Variants in ENOX1 observed in about 807,000 individuals in gnomAD.
The protein encoded by ENOX1 is candidate growth-related and time keeping constitutive hydroquinone (NADH) oxidase.
In ENOX1, 42 loss-of-function variants were observed where a neutral mutation model predicts 82.5. The ratio of observed to expected loss-of-function variants is 0.51; its 90% CI spans 0.40 to 0.66. The LOEUF is 0.66. ENOX1 is among the 30% of genes least tolerant of loss of function. The probability of loss-of-function intolerance (pLI) is 0.00; values close to 1 mark genes in which losing one functional copy is unlikely to be tolerated. For synonymous variants in ENOX1, 271 were observed against 282.2 expected, an observed-to-expected ratio of 0.96 and a Z score of 0.40; for missense variants, 608 against 811.6, an observed-to-expected ratio of 0.75 and a Z score of 3.05.
chr13:43,750,507 G>T (rs527506355), intron 1 of ENOX1, among the ~76,000 whole-genome samples: 1 of 152,278 alleles, frequency 6.6e-6, no homozygotes, highest in East Asian at 1.9e-4. Flanking sequence ...ACTACACTGA[G>T]ATACCTTCCA....
chr13:43,342,281 G>T (rs1359180423), intron 9 of ENOX1, among the ~76,000 whole-genome samples: 1 of 152,138 alleles, frequency 6.6e-6, no homozygotes, highest in Non-Finnish European at 1.5e-5. Flanking sequence ...AATGAAGAAG[G>T]GTGGGCCGAA....
chr13:43,523,768 T>C (rs1290340198), intron 2 of ENOX1, among the ~76,000 whole-genome samples: 1 of 152,078 alleles, frequency 6.6e-6, no homozygotes, highest in African/African-American at 2.4e-5. Context: ...CTCTGAGGTA[T>C]TGTTCTGATT....
At chr13:43,512,808 A>G (rs1357147123) in intron 2 of ENOX1, among the ~76,000 whole-genome samples, 2 of 152,136 alleles carry the variant, frequency 1.3e-5, no homozygotes, top group African/African-American at 2.4e-5. Flanking sequence ...GCAAATTGCT[A>G]TAAGATCCTG....
At chr13:43,314,193 T>C (rs2153520582) in intron 11 of ENOX1, among the ~76,000 whole-genome samples, 1 of 152,316 alleles carries the variant, frequency 6.6e-6, no homozygotes, top group South Asian at 2.1e-4. Flanking sequence ...GCTCCCTCTT[T>C]GATATCAAGA....
intron 1 of ENOX1, among the ~76,000 whole-genome samples, chr13:43,710,690 AAAGT>A (rs777691293): frequency 2.0e-5 from 3 of 152,168 alleles, no homozygotes; most frequent in East Asian, 1.9e-4. Context: ...CCAACATAAA[AAAGT>A]AAGCTGAACC....
intron 3 of ENOX1, among the ~76,000 whole-genome samples, chr13:43,429,411 T>C (rs1442616125): frequency 1.3e-5 from 2 of 152,214 alleles, no homozygotes; most frequent in African/African-American, 4.8e-5. Context: ...AAAGTACATA[T>C]TCTGGTCTGC....
At chr13:43,658,537 A>G (rs1257716240) in intron 2 of ENOX1, among the ~76,000 whole-genome samples, 1 of 152,038 alleles carries the variant, frequency 6.6e-6, no homozygotes, top group Non-Finnish European at 1.5e-5. Context: ...TCTTCCTTGG[A>G]ATTAATCATT....
intron 13 of ENOX1, among the ~76,000 whole-genome samples, chr13:43,268,888 T>G (rs2044529994): frequency 6.6e-6 from 1 of 152,172 alleles, no homozygotes; most frequent in Non-Finnish European, 1.5e-5. Context: ...TGCCGAGTGT[T>G]CCATCTTACC....
chr13:43,491,282 C>G (rs756455955), intron 2 of ENOX1, among the ~76,000 whole-genome samples: 1 of 152,126 alleles, frequency 6.6e-6, no homozygotes, highest in Non-Finnish European at 1.5e-5. Context: ...GGGATCCACC[C>G]GCATGATCCC....
intron 14 of ENOX1, among the ~76,000 whole-genome samples, chr13:43,253,434 G>A (rs1292346014): frequency 6.6e-6 from 1 of 152,218 alleles, no homozygotes; most frequent in Non-Finnish European, 1.5e-5. Flanking sequence ...AATAGAGAAT[G>A]ACTGCCCTTT....
At chr13:43,226,458 T>C (rs774435069) in intron 15 of ENOX1, among the ~76,000 whole-genome samples, 12 of 152,242 alleles carry the variant, frequency 7.9e-5, no homozygotes, top group Non-Finnish European at 1.2e-4. Flanking sequence ...CTAGCTATTC[T>C]GAAGTATACA....
chr13:43,786,439 G>C lies in ENOX1; in HGVS notation c.-285+213C>G, dbSNP rs550668311. ...GCGTAAAAGTGAGGGAGCTTGAGAC[G>C]GGGCACGGCGGGGAAGGGCGTGGGG... On this transcript the variant is annotated intron_variant, in intron 1 of 16. Transcript: ENST00000690772. The surrounding 1 kb of genome is among the most constrained non-coding windows in gnomAD (Gnocchi z 6.0). 2.6e-5 allele frequency among the ~76,000 whole-genome samples: 4 copies of C among 151,862 alleles called. No individual in the cohort carries two copies. Among genetic ancestry groups the C allele is most frequent in the African/African-American group, 9.7e-5 (4 of 41,436 alleles).
intron 3 of ENOX1, among the ~76,000 whole-genome samples, chr13:43,450,446 G>A (rs1484867345): frequency 6.6e-6 from 1 of 152,178 alleles, no homozygotes; most frequent in East Asian, 1.9e-4. Flanking sequence ...GTTTGTCACA[G>A]TTCCAAGAAG....
intron 12 of ENOX1, among the ~76,000 whole-genome samples, chr13:43,290,104 G>A (rs2045915724): frequency 1.3e-5 from 2 of 152,158 alleles, no homozygotes; most frequent in South Asian, 4.1e-4. Context: ...GGAGAAAAGG[G>A]AACACTTATA....
At chr13:43,580,586 C>G (rs2080672243) in intron 2 of ENOX1, among the ~76,000 whole-genome samples, 1 of 152,240 alleles carries the variant, frequency 6.6e-6, no homozygotes, top group South Asian at 2.1e-4. Flanking sequence ...CAGTGTGTGT[C>G]AGCCTCAGTT....
intron 2 of ENOX1, among the ~76,000 whole-genome samples, chr13:43,540,829 C>T (rs1332550409): frequency 6.6e-6 from 1 of 152,058 alleles, no homozygotes; most frequent in African/African-American, 2.4e-5. Flanking sequence ...TAAAGGACCC[C>T]CCCTCAAAAA....
intron 2 of ENOX1, among the ~76,000 whole-genome samples, chr13:43,591,844 G>C (rs2081259416): frequency 6.6e-6 from 1 of 152,028 alleles, no homozygotes; most frequent in African/African-American, 2.4e-5. Flanking sequence ...TCCTGGTGTT[G>C]GCAAATAGAA....
chr13:43,654,147 G>C (rs1289928516), intron 2 of ENOX1, among the ~76,000 whole-genome samples: 1 of 152,294 alleles, frequency 6.6e-6, no homozygotes, highest in East Asian at 1.9e-4. Context: ...AGCTACAGGA[G>C]GTTACCCTTG....
chr13:43,727,138 G>A (rs1486020647), intron 1 of ENOX1, among the ~76,000 whole-genome samples: 1 of 152,104 alleles, frequency 6.6e-6, no homozygotes, highest in Non-Finnish European at 1.5e-5. Flanking sequence ...TCTTTCACGG[G>A]GCACTTCTCA....
Sources: gnomAD v4.1 joint callset for allele counts (sites outside exome capture counted in the v4.1 genomes callset) on GRCh38, gnomAD v4.1.1 for gene constraint, Gnocchi (gnomAD v3.1) non-coding constraint, MANE v1.5 for transcripts, NCBI Gene and HGNC (gene_info 2026-07-23, HGNC 2026-07-21) for gene names.